POU2F1: variants seen among roughly 807,000 people sequenced by gnomAD.
POU2F1 encodes the protein POU domain, class 2, transcription factor 1.
In POU2F1, 16 loss-of-function variants were observed where a neutral mutation model predicts 84.9. The observed-to-expected ratio is 0.19, with a 90% CI of 0.13 to 0.29. The LOEUF is 0.29. Among genes scored for constraint, POU2F1 ranks in the 10% least tolerant of loss-of-function variants. The pLI is 1.00. For synonymous variants in POU2F1, 368 were observed against 368.3 expected, an observed-to-expected ratio of 1.00 and a Z score of 0.01; for missense variants, 738 against 942.6, an observed-to-expected ratio of 0.78 and a Z score of 2.84.
At chr1:167,331,460 T>C (rs1376228199) in intron 1 of POU2F1, among the ~76,000 whole-genome samples, 1 of 152,096 alleles carries the variant, frequency 6.6e-6, no homozygotes, top group Non-Finnish European at 1.5e-5. Context: ...TGTTAATAAC[T>C]AAAGTTAAAT....
chr1:167,281,648 C>T (rs1319013718), intron 1 of POU2F1, among the ~76,000 whole-genome samples: 1 of 152,172 alleles, frequency 6.6e-6, no homozygotes, highest in Non-Finnish European at 1.5e-5. Context: ...ATTTGATTGG[C>T]CAAAACTCGG....
intron 1 of POU2F1, among the ~76,000 whole-genome samples, chr1:167,272,536 C>G (rs1288519015): frequency 6.6e-6 from 1 of 151,972 alleles, no homozygotes; most frequent in African/African-American, 2.4e-5. Context: ...TGGGGGAAGG[C>G]CTCAAGAAAC....
At chr1:167,256,622 C>T (rs1301870008) in intron 1 of POU2F1, among the ~76,000 whole-genome samples, 1 of 152,176 alleles carries the variant, frequency 6.6e-6, no homozygotes, top group Admixed American at 6.5e-5. Context: ...TCAGAATCTT[C>T]AGCTTAGTGA....
intron 2 of POU2F1, among the ~76,000 whole-genome samples, chr1:167,354,322 C>T (rs1035035717): frequency 6.6e-6 from 1 of 152,030 alleles, no homozygotes; most frequent in South Asian, 2.1e-4. Context: ...GACAGAGTCT[C>T]ACTCTGTCAC....
chr1:167,411,311 T>G (rs1467573423), intron 13 of POU2F1, among the ~76,000 whole-genome samples: 1 of 152,166 alleles, frequency 6.6e-6, no homozygotes, highest in Non-Finnish European at 1.5e-5. Flanking sequence ...GTGCTGAGAT[T>G]ACAGGTGTGA....
chr1:167,298,103 G>A (rs1654412276), intron 1 of POU2F1, among the ~76,000 whole-genome samples: 1 of 151,956 alleles, frequency 6.6e-6, no homozygotes, highest in African/African-American at 2.4e-5. Flanking sequence ...TCCAGCCTGG[G>A]CAACAAGAGT....
intron 1 of POU2F1, among the ~76,000 whole-genome samples, chr1:167,243,945 G>A (rs1650112392): frequency 6.6e-6 from 1 of 152,074 alleles, no homozygotes; most frequent in Admixed American, 6.6e-5. Flanking sequence ...CTTATCCGTA[G>A]CTGCCCTCCA....
chr1:167,332,319 A>G (rs1317976901), intron 1 of POU2F1, 151 bp from the exon 2 acceptor site: 1 of 457,284 alleles, frequency 2.2e-6, no homozygotes, highest in Admixed American at 3.6e-5. Context: ...TATAATTTCT[A>G]GTATTTTAGC....
At chr1:167,414,005 AT>A (rs1447407561) in intron 15 of POU2F1, among the ~76,000 whole-genome samples, 1 of 151,804 alleles carries the variant, frequency 6.6e-6, no homozygotes, top group Admixed American at 6.6e-5. Flanking sequence ...AAAAAAAAAA[AT>A]TAAAGTGTTT....
chr1:167,381,423 C>G (rs955747189), intron 7 of POU2F1, among the ~76,000 whole-genome samples: 1 of 151,938 alleles, frequency 6.6e-6, no homozygotes, highest in African/African-American at 2.4e-5. Flanking sequence ...TCTATGGGCC[C>G]TTTCAGCCTT....
intron 11 of POU2F1, among the ~76,000 whole-genome samples, chr1:167,398,613 C>T (rs1266585098): frequency 6.6e-6 from 1 of 152,118 alleles, no homozygotes; most frequent in Admixed American, 6.5e-5. Flanking sequence ...GGCTATGGAG[C>T]TTAAGTTAAT....
At chr1:167,367,612 T>A (rs1289748130) in intron 3 of POU2F1, among the ~76,000 whole-genome samples, 1 of 152,184 alleles carries the variant, frequency 6.6e-6, no homozygotes, top group Non-Finnish European at 1.5e-5. Context: ...AAAAAAACTT[T>A]CAAATTTGTA....
chr1:167,327,745 C>A (rs1039447654), intron 1 of POU2F1, among the ~76,000 whole-genome samples: 12 of 152,184 alleles, frequency 7.9e-5, no homozygotes, highest in African/African-American at 2.7e-4. Context: ...CAATTCCCTA[C>A]GTGTTTAACT....
At chr1:167,243,771 C>A (rs571891137) in intron 1 of POU2F1, among the ~76,000 whole-genome samples, 1 of 152,214 alleles carries the variant, frequency 6.6e-6, no homozygotes, top group Non-Finnish European at 1.5e-5. Context: ...CCATCACACC[C>A]GGCCTAAACT....
intron 1 of POU2F1, among the ~76,000 whole-genome samples, chr1:167,285,288 G>A (rs954127433): frequency 1.3e-5 from 2 of 152,194 alleles, no homozygotes; most frequent in African/African-American, 4.8e-5. Context: ...AAAAAATGGC[G>A]ATATGTACTT....
intron 1 of POU2F1, among the ~76,000 whole-genome samples, chr1:167,236,322 T>C (rs185007533): frequency 6.6e-6 from 1 of 152,126 alleles, no homozygotes; most frequent in East Asian, 1.9e-4. Flanking sequence ...AGGCAGGTGT[T>C]GAACTCCTGA....
chr1:167,267,730 C>T (rs1327042681), intron 1 of POU2F1, among the ~76,000 whole-genome samples: 2 of 149,406 alleles, frequency 1.3e-5, no homozygotes, highest in Non-Finnish European at 3.0e-5. Flanking sequence ...CAAGCTCCGC[C>T]TCCCAGGTTC....
intron 1 of POU2F1, among the ~76,000 whole-genome samples, chr1:167,235,587 C>T (rs935248401): frequency 3.3e-5 from 5 of 152,110 alleles, no homozygotes; most frequent in African/African-American, 9.7e-5. Context: ...GGGATTTGTT[C>T]CTATGTATTG....
At position 167,285,578 on chromosome 1, in the gene POU2F1, C is replaced by G. The variant is rs934243244; in HGVS notation, c.62-46892C>G. 1.1e-4 allele frequency among the ~76,000 whole-genome samples: 17 copies of G among 150,128 alleles called. 1 individual carries two copies. Among genetic ancestry groups the G allele is most frequent in the Non-Finnish European group, 2.2e-4 (15 of 67,658 alleles). ...ACTGCACTCCAGCCTGGGTGACAGA[C>G]AGAGACTCCGTCTCAAAAAAAAAAA... is the stretch of plus-strand genomic sequence containing the variant. On this transcript the variant is annotated intron_variant, in intron 1 of 15. Transcript: ENST00000367866.
Sources: allele counts gnomAD v4.1 joint callset (sites outside exome capture counted in the v4.1 genomes callset), GRCh38; gene constraint gnomAD v4.1.1; transcripts MANE v1.5; gene names NCBI Gene and HGNC (gene_info 2026-07-23, HGNC 2026-07-21).